Variants in MYO1E observed in about 807,000 individuals in gnomAD.
The protein encoded by MYO1E is unconventional myosin-Ie.
MYO1E carries 68 observed loss-of-function variants against 151.1 expected under a neutral mutation model. That is an observed-to-expected ratio of 0.45 (90% CI 0.37 to 0.55). The LOEUF is 0.55. MYO1E is among the 20% of genes least tolerant of loss of function. The probability of loss-of-function intolerance (pLI) is 0.00; values close to 1 mark genes in which losing one functional copy is unlikely to be tolerated. For missense variants in MYO1E, 1,363 were observed against 1,389.3 expected (o/e 0.98, Z 0.30); for synonymous variants, 601 against 501.7 (o/e 1.20, Z -2.64).
intron 1 of MYO1E, among the ~76,000 whole-genome samples, chr15:59,315,227 T>C (rs988584015): frequency 6.6e-6 from 1 of 152,082 alleles, no homozygotes; most frequent in Non-Finnish European, 1.5e-5. Context: ...GCCTAAACAA[T>C]AGCTTCCATT....
In MYO1E at chr15:59,284,262, A is replaced by G. The variant is rs74747335; in HGVS notation, c.4-11813T>C. Among the ~76,000 whole-genome samples the G allele has an allele frequency of 7.3e-3, 1,109 of 152,302 alleles. 11 individuals are homozygous for G. Among genetic ancestry groups the G allele is most frequent in the African/African-American group, 0.025 (1,039 of 41,558 alleles). On this transcript the variant is annotated intron_variant, in intron 1 of 27. Transcript: ENST00000288235. ...CTGTGGCAGCAGCTATCGTGGGGCA[A>G]ATAGGAGTCCTGGGCCCAGAGTCTG...
intron 1 of MYO1E, among the ~76,000 whole-genome samples, chr15:59,318,226 C>T (rs2080601586): frequency 6.6e-6 from 1 of 152,170 alleles, no homozygotes; most frequent in South Asian, 2.1e-4. Flanking sequence ...TCTTACAATC[C>T]TACCTCATTA....
chr15:59,314,095 G>C (rs1410449643), intron 1 of MYO1E, among the ~76,000 whole-genome samples: 2 of 152,206 alleles, frequency 1.3e-5, no homozygotes, highest in African/African-American at 4.8e-5. Context: ...CCCTGGACTA[G>C]ACAGGGCAGA....
At chr15:59,236,484 C>A (rs2080067119) in intron 5 of MYO1E, 101 bp downstream of exon 5, 1 of 924,092 alleles carries the variant, frequency 1.1e-6, no homozygotes, top group African/African-American at 1.6e-5. Flanking sequence ...ATAGAAGAAC[C>A]AGTGTCTTTT....
chr15:59,321,139 AT>A (rs2080623280), intron 1 of MYO1E, among the ~76,000 whole-genome samples: 1 of 152,246 alleles, frequency 6.6e-6, no homozygotes, highest in Non-Finnish European at 1.5e-5. Context: ...ATGAGATACA[AT>A]CTCACACCAG....
chr15:59,206,886 G>A (rs1297310748), intron 14 of MYO1E: 26 of 1,548,832 alleles, frequency 1.7e-5, no homozygotes, highest in Middle Eastern at 1.8e-4. Context: ...GCGTCTCAAC[G>A]TTCGGATCAG....
intron 16 of MYO1E, among the ~76,000 whole-genome samples, chr15:59,200,194 C>T (rs2079792388): frequency 1.3e-5 from 2 of 152,116 alleles, no homozygotes; most frequent in African/African-American, 2.4e-5. Flanking sequence ...GACAATAATC[C>T]AGACCACTTG....
intron 1 of MYO1E, among the ~76,000 whole-genome samples, chr15:59,305,294 A>C (rs1249804141): frequency 6.6e-6 from 1 of 152,156 alleles, no homozygotes; most frequent in Non-Finnish European, 1.5e-5. Flanking sequence ...CCCGGGATCA[A>C]GCAATCCTCC....
At chr15:59,205,013 A>T (rs911720825) in intron 15 of MYO1E, among the ~76,000 whole-genome samples, 8 of 152,230 alleles carry the variant, frequency 5.3e-5, no homozygotes, top group Non-Finnish European at 1.2e-4. Context: ...ATGAAGTGTT[A>T]GGGACATAAA....
intron 1 of MYO1E, among the ~76,000 whole-genome samples, chr15:59,363,900 G>C (rs1226804014): frequency 6.6e-6 from 1 of 152,018 alleles, no homozygotes; most frequent in Non-Finnish European, 1.5e-5. Context: ...TCAGCCTCCC[G>C]AGTAGCTGGG....
intron 25 of MYO1E, among the ~76,000 whole-genome samples, chr15:59,157,674 TAAGCGCTTCCTTTAAGTGA>T (rs146505578): frequency 0.011 from 1,643 of 152,338 alleles, 38 homozygotes; most frequent in African/African-American, 0.038. Context: ...GAGAAGCCAT[TAAGCGCTTCCTTTAAGTGA>T]AAGCGCTTCC....
intron 4 of MYO1E, among the ~76,000 whole-genome samples, chr15:59,247,698 T>G (rs2080138502): frequency 6.6e-6 from 1 of 152,140 alleles, no homozygotes; most frequent in African/African-American, 2.4e-5. Context: ...TGAAAAAAGG[T>G]ATTAATGCTC....
At chr15:59,372,094 G>A (rs1342368260) in intron 1 of MYO1E, among the ~76,000 whole-genome samples, 1 of 150,232 alleles carries the variant, frequency 6.7e-6, no homozygotes, top group Admixed American at 6.6e-5. Flanking sequence ...GGAGGGCAGG[G>A]GACGCCGCCA....
In MYO1E at chr15:59,214,705, T is replaced by C. The variant is rs373863967; in HGVS notation, c.1123A>G (p.Met375Val). The C allele has an allele frequency of 4.9e-5, 79 of 1,613,302 alleles. No homozygotes were observed. Among genetic ancestry groups the C allele is most frequent in the Non-Finnish European group, 6.7e-5 (79 of 1,179,320 alleles). ...DFLVDSINKAMEKDHEEYNIG... is the reference protein window; with the variant it reads ...DFLVDSINKAVEKDHEEYNIG... ...TTGTATTCTTCATGGTCTTTCTCCA[T>C]GGCTTTATTGATGGACTAGAGAAAG... Residue 375 changes from methionine to valine, a missense_variant, in exon 11 of 28, where the codon ATG becomes GTG. Physicochemically the swap from Met to Val is conservative, Grantham distance 21 (BLOSUM62 1). Coordinates refer to ENST00000288235, the MANE Select transcript of MYO1E (RefSeq NM_004998.4).
At chr15:59,179,863 A>T (rs2079647928) in intron 18 of MYO1E, among the ~76,000 whole-genome samples, 1 of 152,286 alleles carries the variant, frequency 6.6e-6, no homozygotes, top group South Asian at 2.1e-4. Context: ...TAGAATCATC[A>T]TGGGTATGTG....
intron 13 of MYO1E, 132 bp from the exon 14 acceptor site, chr15:59,208,980 T>G: frequency 9.0e-7 from 1 of 1,111,368 alleles, no homozygotes; most frequent in East Asian, 2.6e-5. Context: ...GTATTCCCCT[T>G]CAGGCAAGAA....
intron 4 of MYO1E, among the ~76,000 whole-genome samples, chr15:59,242,658 T>C (rs1427090062): frequency 6.6e-6 from 1 of 152,062 alleles, no homozygotes; most frequent in Non-Finnish European, 1.5e-5. Context: ...GGCTGGTAGG[T>C]GGAGGTTTGG....
At chr15:59,357,717 T>C (rs892415534) in intron 1 of MYO1E, among the ~76,000 whole-genome samples, 7 of 152,304 alleles carry the variant, frequency 4.6e-5, no homozygotes, top group African/African-American at 1.4e-4. Flanking sequence ...CCCAAAGTGC[T>C]GGGATTACAG....
intron 6 of MYO1E, among the ~76,000 whole-genome samples, chr15:59,231,099 A>C (rs2080024924): frequency 6.6e-6 from 1 of 152,222 alleles, no homozygotes; most frequent in Admixed American, 6.5e-5. Context: ...ATTACCAGTT[A>C]GGTAAGCCAG....
Sources: allele counts gnomAD v4.1 joint callset (sites outside exome capture counted in the v4.1 genomes callset), GRCh38; gene constraint gnomAD v4.1.1; transcripts MANE v1.5; gene names NCBI Gene and HGNC (gene_info 2026-07-23, HGNC 2026-07-21).